NCAPD3: variants seen among roughly 807,000 people sequenced by gnomAD.
NCAPD3 encodes condensin-2 complex subunit D3.
A neutral mutation model predicts 182.9 loss-of-function variants in NCAPD3; 105 were observed. The observed-to-expected ratio is 0.57, with a 90% CI of 0.49 to 0.68. The LOEUF is 0.68. NCAPD3 is among the 30% of genes least tolerant of loss of function. NCAPD3 has a pLI of 0.00. For synonymous variants in NCAPD3, 815 were observed against 679.9 expected, an observed-to-expected ratio of 1.20 and a Z score of -3.09; for missense variants, 1,944 against 1,837.0, an observed-to-expected ratio of 1.06 and a Z score of -1.07.
chr11:134,154,850 C>T (rs1397188848), intron 32 of NCAPD3, among the ~76,000 whole-genome samples: 3 of 152,322 alleles, frequency 2.0e-5, no homozygotes, highest in Non-Finnish European at 4.4e-5. Context: ...GCTGTGTACC[C>T]GATGGCTACT....
upstream of NCAPD3, chr11:134,225,381 G>A (rs774103149): frequency 1.9e-6 from 3 of 1,606,856 alleles, no homozygotes; most frequent in South Asian, 3.3e-5. Flanking sequence ...CCCCAGCGCC[G>A]ACAGCCGGCC....
upstream of NCAPD3, chr11:134,225,164 C>G (rs1272604488): frequency 1.2e-6 from 2 of 1,613,610 alleles, no homozygotes; most frequent in Non-Finnish European, 1.7e-6. Context: ...AGGTGGAAAT[C>G]CTTCTGAACG....
intron 29 of NCAPD3, among the ~76,000 whole-genome samples, chr11:134,159,338 A>G (rs190255388): frequency 4.7e-4 from 72 of 152,354 alleles, no homozygotes; most frequent in African/African-American, 1.6e-3. Context: ...ATCTTCACGT[A>G]CTATGAGCAA....
chr11:134,156,292 G>A (rs1005169420), intron 32 of NCAPD3, among the ~76,000 whole-genome samples: 1 of 152,182 alleles, frequency 6.6e-6, no homozygotes, highest in African/African-American at 2.4e-5. Context: ...GATGCAGCTT[G>A]CTGAGGGCAC....
intron 13 of NCAPD3, among the ~76,000 whole-genome samples, chr11:134,199,361 A>C (rs1398009929): frequency 1.3e-5 from 2 of 152,160 alleles, no homozygotes; most frequent in Admixed American, 1.3e-4. Flanking sequence ...TCTCCTTTAC[A>C]CACGGGGTCT....
Position 134,204,834 on chromosome 11 carries a change from C to A in NCAPD3, c.1089+65G>T. The stretch of plus-strand genomic sequence containing the variant: ...ACAAATACCCACACTCACACACACA[C>A]ACACACATTTATCTTCACACACGAT... On this transcript the variant is annotated intron_variant, in intron 9 of 34. Coordinates refer to ENST00000534548, the MANE Select transcript of NCAPD3 (RefSeq NM_015261.3). This position sits in a 1 kb window ranked among gnomAD's most constrained non-coding sequence, Gnocchi z 4.3. 7.5e-7 allele frequency: 1 copy of A among 1,341,194 alleles called. No homozygotes were observed. Among genetic ancestry groups the A allele is most frequent in the Non-Finnish European group, 1.1e-6 (1 of 939,750 alleles). 83.1% of individuals were successfully genotyped at this position (1,341,194 alleles called of 1,614,324 possible).
intron 16 of NCAPD3, among the ~76,000 whole-genome samples, chr11:134,190,586 A>G (rs1168635492): frequency 6.6e-6 from 1 of 152,158 alleles, no homozygotes; most frequent in Non-Finnish European, 1.5e-5. Flanking sequence ...TCCTGGGCTG[A>G]AGCGATCATC....
intron 24 of NCAPD3, among the ~76,000 whole-genome samples, chr11:134,175,945 C>CTT (rs1026247581): frequency 2.1e-5 from 3 of 142,988 alleles, no homozygotes; most frequent in Admixed American, 7.0e-5. Context: ...TCAAAATTAA[C>CTT]TTTTTTTTTT....
chr11:134,209,031 A>T, intron 6 of NCAPD3, 80 bp from the exon 7 acceptor site: 1 of 1,453,782 alleles, frequency 6.9e-7, no homozygotes, highest in South Asian at 1.2e-5. Flanking sequence ...CCATGTTTAA[A>T]TGAATAAATT....
intron 13 of NCAPD3, among the ~76,000 whole-genome samples, chr11:134,199,777 A>C (rs939090844): frequency 2.0e-5 from 3 of 152,210 alleles, no homozygotes; most frequent in Non-Finnish European, 2.9e-5. Flanking sequence ...ATGGGGATCC[A>C]TCCCGAGGAA....
At chr11:134,172,539 T>C (rs1272905676) in intron 24 of NCAPD3, among the ~76,000 whole-genome samples, 1 of 152,206 alleles carries the variant, frequency 6.6e-6, no homozygotes, top group Non-Finnish European at 1.5e-5. Context: ...CAATGGTCCA[T>C]TATTTGAGGC....
intron 24 of NCAPD3, among the ~76,000 whole-genome samples, chr11:134,170,512 G>A (rs776172218): frequency 2.0e-5 from 3 of 152,318 alleles, no homozygotes; most frequent in South Asian, 4.1e-4. Context: ...CTATGGCATG[G>A]CAGTTTCCAC....
chr11:134,188,402 A>C (rs1018752667), intron 16 of NCAPD3, among the ~76,000 whole-genome samples: 1 of 152,204 alleles, frequency 6.6e-6, no homozygotes, highest in Non-Finnish European at 1.5e-5. Context: ...AAAGCTGGCC[A>C]CCCGAGCCAG....
At chr11:134,158,888 C>G (rs767005739) in intron 29 of NCAPD3, among the ~76,000 whole-genome samples, 6 of 152,190 alleles carry the variant, frequency 3.9e-5, no homozygotes, top group Non-Finnish European at 5.9e-5. Context: ...TGAGATCAAC[C>G]TTTTTGGCTC....
At chr11:134,179,721 A>G (rs1487795229) in intron 20 of NCAPD3, among the ~76,000 whole-genome samples, 2 of 152,214 alleles carry the variant, frequency 1.3e-5, no homozygotes, top group African/African-American at 4.8e-5. Context: ...CACAGCTGCC[A>G]TGCTGTGTTT....
intron 16 of NCAPD3, among the ~76,000 whole-genome samples, chr11:134,186,366 T>TTC (rs374144345): frequency 5.3e-5 from 8 of 151,540 alleles, no homozygotes; most frequent in South Asian, 4.2e-4. Context: ...CCTGGCTAAT[T>TTC]TCTCTCTCTC....
At chr11:134,219,202 A>G (rs1332414241) in intron 2 of NCAPD3, among the ~76,000 whole-genome samples, 2 of 152,130 alleles carry the variant, frequency 1.3e-5, no homozygotes, top group Non-Finnish European at 2.9e-5. Context: ...TCTGCTAGTC[A>G]TCTGTGAAGA....
intron 16 of NCAPD3, among the ~76,000 whole-genome samples, chr11:134,191,187 ATGTT>A (rs1555138663): frequency 5.3e-5 from 8 of 152,144 alleles, no homozygotes; most frequent in Non-Finnish European, 1.2e-4. Context: ...TAATGAGCCC[ATGTT>A]TGTTTGTTTG....
At chr11:134,191,645 G>A (rs1047990546) in intron 16 of NCAPD3, among the ~76,000 whole-genome samples, 13 of 152,172 alleles carry the variant, frequency 8.5e-5, no homozygotes, top group African/African-American at 3.1e-4. Context: ...GCATGCATAA[G>A]GAGGTATCTC....
Sources: allele counts gnomAD v4.1 joint callset (sites outside exome capture counted in the v4.1 genomes callset), GRCh38; gene constraint gnomAD v4.1.1; non-coding constraint Gnocchi (gnomAD v3.1); transcripts MANE v1.5; gene names NCBI Gene and HGNC (gene_info 2026-07-23, HGNC 2026-07-21).